The following RALGPS1 variants were observed in gnomAD, a reference collection of about 807,000 sequenced individuals.
The protein encoded by RALGPS1 is Ral GEF with PH domain and SH3 binding motif 1.
In RALGPS1, 19 loss-of-function variants were observed where a neutral mutation model predicts 78.8. The ratio of observed to expected loss-of-function variants is 0.24; its 90% CI spans 0.17 to 0.35. The LOEUF is 0.35. RALGPS1 is among the 10% of genes least tolerant of loss of function. RALGPS1 has a pLI of 1.00. For synonymous variants in RALGPS1, 228 were observed against 256.3 expected, an observed-to-expected ratio of 0.89 and a Z score of 1.06; for missense variants, 454 against 688.3, an observed-to-expected ratio of 0.66 and a Z score of 3.81.
chr9:126,992,753 T>C (rs1320208485), intron 4 of RALGPS1, among the ~76,000 whole-genome samples: 1 of 152,258 alleles, frequency 6.6e-6, no homozygotes, highest in Non-Finnish European at 1.5e-5. Context: ...TTGCATTGTA[T>C]AGGCCTTATA....
chr9:126,944,407 A>G (rs2037066044), intron 1 of RALGPS1, among the ~76,000 whole-genome samples: 1 of 152,158 alleles, frequency 6.6e-6, no homozygotes, highest in Non-Finnish European at 1.5e-5. Flanking sequence ...CCTGCTCCCT[A>G]CACGCCTCCA....
At chr9:127,188,635 G>A (rs2140357508) in intron 11 of RALGPS1, among the ~76,000 whole-genome samples, 1 of 151,978 alleles carries the variant, frequency 6.6e-6, no homozygotes, top group South Asian at 2.1e-4. Context: ...TCTTTGAACT[G>A]TAGCAACAAA....
intron 8 of RALGPS1, among the ~76,000 whole-genome samples, chr9:127,140,323 C>G (rs1369031421): frequency 6.6e-6 from 1 of 152,212 alleles, no homozygotes; most frequent in Non-Finnish European, 1.5e-5. Context: ...CCAGAGCCGT[C>G]CGGGCACTTG....
intron 8 of RALGPS1, among the ~76,000 whole-genome samples, chr9:127,121,346 C>G (rs1156424728): frequency 6.6e-6 from 1 of 152,230 alleles, no homozygotes; most frequent in South Asian, 2.1e-4. Flanking sequence ...GAAGCCAGCT[C>G]ATGAGGACTG....
intron 8 of RALGPS1, among the ~76,000 whole-genome samples, chr9:127,086,547 G>C (rs529907072): frequency 6.6e-6 from 1 of 152,258 alleles, no homozygotes; most frequent in Admixed American, 6.5e-5. Flanking sequence ...TTCTGTTACA[G>C]GATTTGCATC....
At chr9:127,041,045 G>GTGTGTGTGTGTGTGTGTC (rs1554802067) in intron 5 of RALGPS1, among the ~76,000 whole-genome samples, 83 of 151,222 alleles carry the variant, frequency 5.5e-4, no homozygotes, top group Non-Finnish European at 3.4e-4. Context: ...GTGTGTGTGT[G>GTGTGTGTGTGTGTGTGTC]TGTGTGTGTG....
At chr9:127,190,416 T>C (rs375109883) in intron 11 of RALGPS1, among the ~76,000 whole-genome samples, 1 of 152,208 alleles carries the variant, frequency 6.6e-6, no homozygotes, top group South Asian at 2.1e-4. Flanking sequence ...CTCCACCTCC[T>C]GGGTTCGAGC....
chr9:127,066,805 C>T (rs1589286572), intron 7 of RALGPS1, among the ~76,000 whole-genome samples: 1 of 152,088 alleles, frequency 6.6e-6, no homozygotes, highest in Non-Finnish European at 1.5e-5. Flanking sequence ...TCCCATAATT[C>T]ATTTATAATA....
rs959943664 is a variant in RALGPS1 at position 127,013,880 on chromosome 9, T to A, written c.217-20551T>A. Among the ~76,000 whole-genome samples the A allele has an allele frequency of 1.4e-4, 21 of 152,226 alleles. 1 individual carries two copies. The highest frequency in any genetic ancestry group is 1.5e-5 in the Non-Finnish European group (1 of 68,046). On this transcript the variant is annotated intron_variant, in intron 4 of 18. Coordinates refer to ENST00000259351, the MANE Select transcript of RALGPS1 (RefSeq NM_014636.3). ...TGCATTTTCTGCTCTCTGCCTGGCA[T>A]GCTAGTCCCCCCACTTCAGCTAAGC...
intron 4 of RALGPS1, among the ~76,000 whole-genome samples, chr9:127,033,234 GT>G (rs904346279): frequency 3.9e-5 from 6 of 152,210 alleles, no homozygotes; most frequent in African/African-American, 1.4e-4. Context: ...CCTCTGGCTG[GT>G]TCCTCTGTGT....
At chr9:126,999,306 T>A (rs2043069591) in intron 4 of RALGPS1, among the ~76,000 whole-genome samples, 1 of 152,248 alleles carries the variant, frequency 6.6e-6, no homozygotes, top group South Asian at 2.1e-4. Context: ...TTTGTTAAAA[T>A]TGAAGACCCT....
chr9:126,962,503 G>A (rs1006016586), intron 2 of RALGPS1, among the ~76,000 whole-genome samples, 157 bp downstream of exon 2: 4 of 152,232 alleles, frequency 2.6e-5, no homozygotes, highest in Non-Finnish European at 4.4e-5. Flanking sequence ...CGTGAGATTT[G>A]GGAGGCAGTC....
intron 8 of RALGPS1, among the ~76,000 whole-genome samples, chr9:127,159,891 A>G (rs112543283): frequency 0.039 from 5,982 of 152,376 alleles, 181 homozygotes; most frequent in Middle Eastern, 0.071. Flanking sequence ...GCAGGAGAAC[A>G]TGGAAAAAAG....
intron 1 of RALGPS1, among the ~76,000 whole-genome samples, chr9:126,924,119 A>G (rs150358086): frequency 2.7e-4 from 41 of 152,340 alleles, no homozygotes; most frequent in African/African-American, 9.1e-4. Flanking sequence ...CCCACCTGAC[A>G]AATCCCATGA....
chr9:126,991,271 G>A (rs191618089), intron 4 of RALGPS1, among the ~76,000 whole-genome samples: 54 of 152,234 alleles, frequency 3.5e-4, no homozygotes, highest in Admixed American at 2.1e-3. Flanking sequence ...TCTCTGAGCC[G>A]CAGGATAAGG....
At chr9:127,134,013 C>CA (rs562584991) in intron 8 of RALGPS1, among the ~76,000 whole-genome samples, 6 of 151,656 alleles carry the variant, frequency 4.0e-5, no homozygotes, top group East Asian at 1.9e-4. Context: ...CGCTCCCCCC[C>CA]CCGTGAATGC....
At chr9:127,210,778 GGTATTCAT>G in intron 14 of RALGPS1, 1 of 1,549,204 alleles carries the variant, frequency 6.5e-7, no homozygotes, top group Non-Finnish European at 8.7e-7. Context: ...TGTGTCTACA[GGTATTCAT>G]GTGTTCATGT....
intron 9 of RALGPS1, among the ~76,000 whole-genome samples, chr9:127,168,252 A>G (rs573728497): frequency 6.6e-6 from 1 of 152,272 alleles, no homozygotes; most frequent in Non-Finnish European, 1.5e-5. Context: ...TCTTGAATTC[A>G]TGTCACACAG....
chr9:127,021,359 C>T (rs927165219), intron 4 of RALGPS1, among the ~76,000 whole-genome samples: 8 of 151,884 alleles, frequency 5.3e-5, no homozygotes, highest in African/African-American at 1.2e-4. Flanking sequence ...AAAACTTAGC[C>T]GGGCATATTG....
Sources: allele counts gnomAD v4.1 joint callset (sites outside exome capture counted in the v4.1 genomes callset), GRCh38; gene constraint gnomAD v4.1.1; transcripts MANE v1.5; gene names NCBI Gene and HGNC (gene_info 2026-07-23, HGNC 2026-07-21).